The following KCNIP1 variants were observed in gnomAD, a reference collection of about 807,000 sequenced individuals.
KCNIP1 encodes A-type potassium channel modulatory protein KCNIP1.
In KCNIP1, 18 loss-of-function variants were observed where a neutral mutation model predicts 33.0. That is an observed-to-expected ratio of 0.55 (90% CI 0.38 to 0.81). The LOEUF is 0.81. Ranked by LOEUF, KCNIP1 falls within the 30% of genes least tolerant of loss-of-function variation. The pLI is 0.00. For synonymous variants in KCNIP1, 93 were observed against 98.3 expected (o/e 0.95, Z 0.32); for missense variants, 238 against 271.6 (o/e 0.88, Z 0.87).
chr5:170,661,472 T>C (rs772714341), intron 1 of KCNIP1, among the ~76,000 whole-genome samples: 3 of 152,166 alleles, frequency 2.0e-5, no homozygotes, highest in Admixed American at 6.5e-5. Flanking sequence ...AGTTGGGGAA[T>C]CCCAAAGATG....
At chr5:170,359,111 C>T (rs781657706) in intron 1 of KCNIP1, among the ~76,000 whole-genome samples, 1 of 152,196 alleles carries the variant, frequency 6.6e-6, no homozygotes, top group East Asian at 1.9e-4. Flanking sequence ...ATCAGCAGGA[C>T]AGCCATACCC....
intron 1 of KCNIP1, among the ~76,000 whole-genome samples, chr5:170,403,552 C>G (rs1380002351): frequency 6.6e-6 from 1 of 152,186 alleles, no homozygotes; most frequent in African/African-American, 2.4e-5. Flanking sequence ...TCTCCTTTTA[C>G]TCTCAAATGT....
At chr5:170,622,746 A>G (rs766246777) in intron 1 of KCNIP1, among the ~76,000 whole-genome samples, 1 of 151,982 alleles carries the variant, frequency 6.6e-6, no homozygotes, top group Non-Finnish European at 1.5e-5. Context: ...GAAGCCAGGG[A>G]AGCCTAGGAA....
At position 170,428,862 on chromosome 5, in the gene KCNIP1, C is replaced by G. The variant is rs565676709; in HGVS notation, c.88+74898C>G. Among the ~76,000 whole-genome samples, 30 of 152,240 alleles carry G rather than the reference C, an allele frequency of 2.0e-4. No homozygotes were observed. In the South Asian group the frequency reaches 5.4e-3, roughly 27 times the overall value. On this transcript the variant is annotated intron_variant, in intron 1 of 7. Transcript: ENST00000377360. Reference sequence around the variant, plus strand: ...AAGAAGGTATCTGGGGTTTGACAGTCTGCTGTGAGGGCTAAATAAAAAGGG... The same window carrying G: ...AAGAAGGTATCTGGGGTTTGACAGTGTGCTGTGAGGGCTAAATAAAAAGGG...
intron 7 of KCNIP1, among the ~76,000 whole-genome samples, chr5:170,734,498 TCA>T (rs1284528914): frequency 6.6e-6 from 1 of 152,198 alleles, no homozygotes; most frequent in African/African-American, 2.4e-5. Context: ...GTTACTTTTC[TCA>T]CATTCTCCCC....
At chr5:170,686,045 G>T (rs186184169) in intron 1 of KCNIP1, among the ~76,000 whole-genome samples, 1 of 152,168 alleles carries the variant, frequency 6.6e-6, no homozygotes, top group Admixed American at 6.5e-5. Flanking sequence ...CTTGTTGCTG[G>T]CCTGTACTTC....
chr5:170,475,091 T>C (rs975713121), intron 1 of KCNIP1, among the ~76,000 whole-genome samples: 1 of 152,150 alleles, frequency 6.6e-6, no homozygotes, highest in African/African-American at 2.4e-5. Context: ...TACAGAGTGC[T>C]GATTGGTGCA....
At chr5:170,717,604 G>A (rs943168934) in intron 1 of KCNIP1, among the ~76,000 whole-genome samples, 1 of 152,090 alleles carries the variant, frequency 6.6e-6, no homozygotes, top group African/African-American at 2.4e-5. Context: ...TTTTGTATTG[G>A]GATCAAAGTC....
chr5:170,442,506 G>T (rs1401615053), intron 1 of KCNIP1, among the ~76,000 whole-genome samples: 6 of 152,142 alleles, frequency 3.9e-5, no homozygotes, highest in African/African-American at 1.2e-4. Context: ...GAGAGACAGG[G>T]CCTCGTTCTG....
chr5:170,393,550 A>G (rs535344904), intron 1 of KCNIP1, among the ~76,000 whole-genome samples: 1 of 152,248 alleles, frequency 6.6e-6, no homozygotes, highest in Non-Finnish European at 1.5e-5. Flanking sequence ...GATTTCCTCA[A>G]CTACAAAAAT....
intron 1 of KCNIP1, among the ~76,000 whole-genome samples, chr5:170,695,800 C>T (rs550192072): frequency 3.5e-4 from 53 of 152,258 alleles, no homozygotes; most frequent in African/African-American, 1.0e-3. Flanking sequence ...GCGGGTGGAT[C>T]ATGAGGTCAG....
rs144577165 is a variant in KCNIP1, at chr5:170,483,094, C to T, written c.88+129130C>T. 139 of 455,498 alleles carry T rather than the reference C, an allele frequency of 3.1e-4. 7 individuals carry two copies. Among genetic ancestry groups the T allele is most frequent in the South Asian group, 1.8e-3 (118 of 64,392 alleles). 28.2% of individuals were successfully genotyped at this position (455,498 alleles called of 1,614,324 possible). A position where few individuals can be genotyped will look rare whatever the true frequency, so the allele number is the denominator to read the frequency against. ...AAAGTGGAACTGGGGCCCGCAGAGCCGGATAGCTTGGGCAGTACGTGTGTG... is the reference window on the plus strand; with the variant it reads ...AAAGTGGAACTGGGGCCCGCAGAGCTGGATAGCTTGGGCAGTACGTGTGTG... On this transcript the variant is annotated intron_variant, in intron 1 of 7. Transcript: ENST00000377360.
At chr5:170,566,240 T>A (rs940308153) in intron 1 of KCNIP1, among the ~76,000 whole-genome samples, 18 of 152,102 alleles carry the variant, frequency 1.2e-4, no homozygotes, top group Non-Finnish European at 2.5e-4. Context: ...TTTGGTTTTT[T>A]GTCTGTTTGG....
At chr5:170,705,963 G>A (rs410348) in intron 1 of KCNIP1, among the ~76,000 whole-genome samples, 107,419 of 152,098 alleles carry the variant, frequency 0.71, 39,332 homozygotes, top group East Asian at 0.95. Flanking sequence ...ATTTACAGCT[G>A]CAAGGTGGGT....
At chr5:170,583,076 C>T (rs1757858634) in intron 1 of KCNIP1, among the ~76,000 whole-genome samples, 1 of 152,216 alleles carries the variant, frequency 6.6e-6, no homozygotes, top group South Asian at 2.1e-4. Flanking sequence ...GGCTTTCACT[C>T]TCCTAATGGA....
intron 1 of KCNIP1, among the ~76,000 whole-genome samples, chr5:170,691,821 A>G (rs568966788): frequency 2.0e-5 from 3 of 152,226 alleles, no homozygotes; most frequent in African/African-American, 7.2e-5. Context: ...AGGCACCAGT[A>G]TGCAGGGCAA....
At chr5:170,581,062 A>G (rs1757776887) in intron 1 of KCNIP1, among the ~76,000 whole-genome samples, 1 of 152,204 alleles carries the variant, frequency 6.6e-6, no homozygotes. Flanking sequence ...CAGCACACTG[A>G]GCCATCTCCT....
chr5:170,511,930 T>C (rs1754946714), intron 1 of KCNIP1, among the ~76,000 whole-genome samples: 1 of 152,134 alleles, frequency 6.6e-6, no homozygotes, highest in South Asian at 2.1e-4. Context: ...GGAGAAGGCA[T>C]TCAAGGATAG....
chr5:170,520,535 G>T (rs541009568), intron 1 of KCNIP1, among the ~76,000 whole-genome samples: 1 of 152,274 alleles, frequency 6.6e-6, no homozygotes, highest in South Asian at 2.1e-4. Flanking sequence ...GACAACACAA[G>T]AATCTTCCAT....
Sources: gnomAD v4.1 joint callset for allele counts (sites outside exome capture counted in the v4.1 genomes callset) on GRCh38, gnomAD v4.1.1 for gene constraint, MANE v1.5 for transcripts, NCBI Gene and HGNC (gene_info 2026-07-23, HGNC 2026-07-21) for gene names.